The following TBXAS1 variants were observed in gnomAD, a reference collection of about 807,000 sequenced individuals.
The protein encoded by TBXAS1 is thromboxane-A synthase.
TBXAS1 carries 48 observed loss-of-function variants against 60.7 expected under a neutral mutation model. The observed-to-expected ratio is 0.79, with a 90% CI of 0.63 to 1.01. TBXAS1 has a LOEUF of 1.01. Among genes scored for constraint, TBXAS1 ranks in the 50% least tolerant of loss-of-function variants. The pLI is 0.00. For synonymous variants in TBXAS1, 287 were observed against 269.7 expected (o/e 1.06, Z -0.63); for missense variants, 685 against 686.3 (o/e 1.00, Z 0.02).
chr7:140,017,150 C>T lies in TBXAS1; in HGVS notation c.1365-521C>T, dbSNP rs138422610. On this transcript the variant is annotated intron_variant, in intron 11 of 12. Transcript: ENST00000448866. Reference sequence around the variant, plus strand: ...AGTGCAGGGGCCTGCAAAGCAAACACGGGCAGGAGAGGGGCTGCCAGTGTG... The same window carrying T: ...AGTGCAGGGGCCTGCAAAGCAAACATGGGCAGGAGAGGGGCTGCCAGTGTG... Among the ~76,000 whole-genome samples the T allele has an allele frequency of 7.1e-3, 1,084 of 152,340 alleles. 18 individuals carry two copies. The highest frequency in any genetic ancestry group is 0.025 in the African/African-American group (1,029 of 41,582).
At chr7:139,840,600 C>G (rs879824385) in intron 1 of TBXAS1, among the ~76,000 whole-genome samples, 31 of 152,014 alleles carry the variant, frequency 2.0e-4, no homozygotes, top group Admixed American at 2.0e-3. Context: ...AAACGGCGGT[C>G]GGATGCATTG....
intron 1 of TBXAS1, among the ~76,000 whole-genome samples, chr7:139,860,401 A>G (rs78647109): frequency 0.15 from 22,423 of 152,166 alleles, 1,718 homozygotes; most frequent in Admixed American, 0.18. Context: ...TACATACACT[A>G]TAAGTTGGCG....
intron 3 of TBXAS1, among the ~76,000 whole-genome samples, chr7:139,904,991 CTT>C (rs1354481606): frequency 1.6e-5 from 2 of 128,232 alleles, no homozygotes; most frequent in Admixed American, 1.6e-4. Context: ...CTCTTTCTCT[CTT>C]TCTCTCTTTC....
chr7:139,960,732 CAAA>C (rs538201159), intron 8 of TBXAS1, among the ~76,000 whole-genome samples: 13 of 72,372 alleles, frequency 1.8e-4, no homozygotes, highest in African/African-American at 2.5e-4. Context: ...GGTGACAGAG[CAAA>C]AAAAAAAAAA....
rs532931492 is a variant in TBXAS1, at chr7:140,012,607, C to T, written c.1227-3116C>T. Among the ~76,000 whole-genome samples, 21 of 152,196 alleles carry T rather than the reference C, an allele frequency of 1.4e-4. No homozygotes were observed. The South Asian group carries it at 3.1e-3, about 23-fold the overall frequency. Reference sequence around the variant, plus strand: ...CTGAGTAGCAGGGACTACAGGCGCACGACACCATGCTTGGCTAATTTGGGT... The same window carrying T: ...CTGAGTAGCAGGGACTACAGGCGCATGACACCATGCTTGGCTAATTTGGGT... On this transcript the variant is annotated intron_variant, in intron 10 of 12. Coordinates refer to ENST00000448866, the MANE Select transcript of TBXAS1 (RefSeq NM_001061.7).
At chr7:139,859,233 A>C (rs1585652045) in intron 1 of TBXAS1, among the ~76,000 whole-genome samples, 1 of 115,332 alleles carries the variant, frequency 8.7e-6, no homozygotes, top group African/African-American at 3.4e-5. Flanking sequence ...ACGGAGTCTC[A>C]CTCTGTCACC....
chr7:139,981,408 G>T (rs752281300), intron 9 of TBXAS1, among the ~76,000 whole-genome samples: 165 of 152,354 alleles, frequency 1.1e-3, no homozygotes, highest in Admixed American at 4.6e-3. Context: ...GAGCCACCAT[G>T]CCCGGCCAGG....
intron 1 of TBXAS1, among the ~76,000 whole-genome samples, chr7:139,842,342 C>T (rs958626617): frequency 3.9e-5 from 6 of 152,092 alleles, no homozygotes; most frequent in African/African-American, 7.2e-5. Context: ...GGGTGCTCAG[C>T]GATGCCTTCC....
intron 4 of TBXAS1, among the ~76,000 whole-genome samples, chr7:139,915,670 A>G (rs1473763332): frequency 3.3e-5 from 5 of 152,192 alleles, no homozygotes; most frequent in African/African-American, 1.2e-4. Context: ...GCATCCCATG[A>G]GGGATCCATA....
intron 4 of TBXAS1, among the ~76,000 whole-genome samples, chr7:139,803,300 C>T (rs532102593): frequency 2.0e-5 from 3 of 152,272 alleles, no homozygotes; most frequent in African/African-American, 7.2e-5. Flanking sequence ...TCTTGTTATG[C>T]TTTGGCAAAT....
chr7:139,894,823 A>G (rs1478745581), intron 3 of TBXAS1, among the ~76,000 whole-genome samples: 2 of 152,196 alleles, frequency 1.3e-5, no homozygotes, highest in Admixed American at 6.5e-5. Context: ...CTCAACAGAC[A>G]TTTCAGTCTT....
chr7:139,876,964 C>CGGCT (rs912898947), intron 3 of TBXAS1, among the ~76,000 whole-genome samples: 1 of 152,124 alleles, frequency 6.6e-6, no homozygotes, highest in African/African-American at 2.4e-5. Context: ...AGTGTAAGCT[C>CGGCT]GGCTGGCAGG....
intron 3 of TBXAS1, among the ~76,000 whole-genome samples, chr7:139,878,465 G>C (rs1017118973): frequency 6.6e-6 from 1 of 152,124 alleles, no homozygotes; most frequent in African/African-American, 2.4e-5. Flanking sequence ...AAAAAGAAAG[G>C]TGATGGCATA....
intron 4 of TBXAS1, among the ~76,000 whole-genome samples, chr7:139,932,308 G>A (rs186965279): frequency 7.4e-4 from 113 of 151,866 alleles, no homozygotes; most frequent in Non-Finnish European, 1.1e-3. Context: ...TCTCAGGGTT[G>A]AAAGAGTCCT....
At chr7:139,864,260 G>C (rs1250775865) in intron 1 of TBXAS1, among the ~76,000 whole-genome samples, 1 of 141,902 alleles carries the variant, frequency 7.0e-6, no homozygotes, top group African/African-American at 2.6e-5. Flanking sequence ...AAAAAAAAAA[G>C]GTGCTCCTAT....
rs145764688 is a variant in TBXAS1 at position 139,847,976 on chromosome 7, C to G, written c.89+18497C>G. The stretch of plus-strand genomic sequence containing the variant: ...AGCTAGAACTATAGACATGTGCCAC[C>G]ATGCCCAGTTAATTTTTAAATTTTT... On this transcript the variant is annotated intron_variant, in intron 1 of 12. Transcript: ENST00000448866. Among the ~76,000 whole-genome samples the G allele has an allele frequency of 1.4e-3, 216 of 152,228 alleles. 5 individuals are homozygous for G. In the East Asian group the frequency reaches 0.036, roughly 25 times the overall value.
chr7:139,964,302 C>T (rs1810612548), intron 9 of TBXAS1, among the ~76,000 whole-genome samples: 1 of 152,208 alleles, frequency 6.6e-6, no homozygotes, highest in Non-Finnish European at 1.5e-5. Flanking sequence ...TCAGGCTGGT[C>T]TCGAACTCCC....
chr7:139,882,010 G>A lies in TBXAS1; in HGVS notation c.236+6373G>A, dbSNP rs559030552. Among the ~76,000 whole-genome samples the A allele has an allele frequency of 1.8e-3, 279 of 152,328 alleles. 2 individuals carry two copies. The highest frequency in any genetic ancestry group is 3.5e-3 in the Non-Finnish European group (238 of 68,024). On this transcript the variant is annotated intron_variant, in intron 3 of 12. Coordinates refer to ENST00000448866, the MANE Select transcript of TBXAS1 (RefSeq NM_001061.7). ...TCGTTTCAACACTTTTTAAAGCTCAGCTTCCATGGTGCCATCCATTAGGAG... is the reference window on the plus strand; with the variant it reads ...TCGTTTCAACACTTTTTAAAGCTCAACTTCCATGGTGCCATCCATTAGGAG...
At chr7:139,850,916 C>T (rs1800171573) in intron 1 of TBXAS1, among the ~76,000 whole-genome samples, 1 of 152,150 alleles carries the variant, frequency 6.6e-6, no homozygotes, top group African/African-American at 2.4e-5. Flanking sequence ...CATGGCCCTG[C>T]TGATGTCTTG....
Sources: gnomAD v4.1 joint callset for allele counts (sites outside exome capture counted in the v4.1 genomes callset) on GRCh38, gnomAD v4.1.1 for gene constraint, MANE v1.5 for transcripts, NCBI Gene and HGNC (gene_info 2026-07-23, HGNC 2026-07-21) for gene names.